Variants in ASB18 observed in about 807,000 individuals in gnomAD.
ASB18 encodes ankyrin repeat and SOCS box protein 18.
Under a neutral mutation model 33.4 loss-of-function variants are expected in ASB18, and 33 were observed. The observed-to-expected ratio is 0.99, with a 90% CI of 0.75 to 1.32. ASB18 has a LOEUF of 1.32. Among genes scored for constraint, ASB18 ranks in the 40% most tolerant of loss-of-function variants. ASB18 has a pLI of 0.00. For synonymous variants in ASB18, 295 were observed against 307.6 expected (o/e 0.96, Z 0.43); for missense variants, 694 against 655.5 (o/e 1.06, Z -0.64).
At chr2:236,236,053 GCATATGC>G (rs140699727) in intron 3 of ASB18, among the ~76,000 whole-genome samples, 6,974 of 152,180 alleles carry the variant, frequency 0.046, 293 homozygotes, top group African/African-American at 0.12. Context: ...ATGCATAAAA[GCATATGC>G]CCATTCAAAG....
At chr2:236,233,363 A>G (rs928137517) in intron 3 of ASB18, among the ~76,000 whole-genome samples, 4 of 152,104 alleles carry the variant, frequency 2.6e-5, no homozygotes, top group Non-Finnish European at 5.9e-5. Context: ...TTTCCTTAGG[A>G]TCAACAGGAA....
Position 236,250,634 on chromosome 2 carries a change from G to A in ASB18, c.206-9232C>T, listed in dbSNP as rs748133528. On this transcript the variant is annotated intron_variant, in intron 1 of 5. Transcript: ENST00000409749. The surrounding 1 kb of genome is among the most constrained non-coding windows in gnomAD (Gnocchi z 4.1). Reference sequence around the variant, plus strand: ...GATAATAACATCACTACCAACTGGTGCAGCAGCCCCAGGCCTTCCAGTGGA... The same window carrying A: ...GATAATAACATCACTACCAACTGGTACAGCAGCCCCAGGCCTTCCAGTGGA... The A allele has an allele frequency of 6.6e-6, 1 of 152,156 alleles. No homozygotes were observed. Among genetic ancestry groups the A allele is most frequent in the Non-Finnish European group, 1.5e-5 (1 of 68,032 alleles). 9.4% of individuals were successfully genotyped at this position (152,156 alleles called of 1,614,324 possible). A position where few individuals can be genotyped will look rare whatever the true frequency, so the allele number is the denominator to read the frequency against.
Position 236,257,317 on chromosome 2 carries a change from G to A in ASB18, c.205+6824C>T, listed in dbSNP as rs771350904. 7.9e-5 allele frequency among the ~76,000 whole-genome samples: 12 copies of A among 152,164 alleles called. No individual in the cohort carries two copies. The highest frequency in any genetic ancestry group is 1.0e-4 in the Non-Finnish European group (7 of 68,014). On this transcript the variant is annotated intron_variant, in intron 1 of 5. Coordinates refer to ENST00000409749, the MANE Select transcript of ASB18 (RefSeq NM_212556.4). This position sits in a 1 kb window ranked among gnomAD's most constrained non-coding sequence, Gnocchi z 5.5. ...TTAATTTCATTTTGCTTCGAGCAGG[G>A]TCTCCCTGCCCCCACGCTCTCTGGT...
rs747019676 is a variant in ASB18 at position 236,240,683 on chromosome 2, C to T, written c.328+597G>A. On this transcript the variant is annotated intron_variant, in intron 2 of 5. Transcript: ENST00000409749. ...TTTCCACTTGGGAGGTCTGCTTGTC[C>T]GCCCAGCGCACAGTGACCATGTTCA... Among the ~76,000 whole-genome samples, 34 of 152,164 alleles carry T rather than the reference C, an allele frequency of 2.2e-4. 1 individual carries two copies. Among genetic ancestry groups the T allele is most frequent in the South Asian group, 6.2e-4 (3 of 4,830 alleles).
At position 236,250,783 on chromosome 2, in the gene ASB18, A is replaced by G. The variant is rs1002648908; in HGVS notation, c.206-9381T>C. 3 of 152,248 alleles carry G rather than the reference A, an allele frequency of 2.0e-5. No homozygotes were observed. Among genetic ancestry groups the G allele is most frequent in the Admixed American group, 6.5e-5 (1 of 15,286 alleles). The allele number at this position is 152,248 out of a possible 1,614,324, so 9.4% of individuals were successfully genotyped here. The stretch of plus-strand genomic sequence containing the variant: ...TTTAAAAGTAAGAAGCTGGGCAGGT[A>G]TATAAAGTTCTGCTTTTAAGAGTTC... On this transcript the variant is annotated intron_variant, in intron 1 of 5. Transcript: ENST00000409749. The surrounding 1 kb of genome is among the most constrained non-coding windows in gnomAD (Gnocchi z 4.1).
Position 236,195,166 on chromosome 2 carries a change from A to G in ASB18, c.1216-109T>C. 2 of 1,014,722 alleles carry G rather than the reference A, an allele frequency of 2.0e-6. No homozygotes were observed. The highest frequency in any genetic ancestry group is 2.9e-6 in the Non-Finnish European group (2 of 694,312). The allele number at this position is 1,014,722 out of a possible 1,614,324, so 62.9% of individuals were successfully genotyped here. A position where few individuals can be genotyped will look rare whatever the true frequency, so the allele number is the denominator to read the frequency against. The stretch of plus-strand genomic sequence containing the variant: ...AAGCGGGCTTTTCTATGGCTAACTG[A>G]TCCCAGATAAGCGCACTGGAGGGAG... On this transcript the variant is annotated intron_variant, in intron 5 of 5. Coordinates refer to ENST00000409749, the MANE Select transcript of ASB18 (RefSeq NM_212556.4). This position sits in a 1 kb window ranked among gnomAD's most constrained non-coding sequence, Gnocchi z 5.5.
In ASB18 at chr2:236,252,578, G is replaced by T. The variant is rs760926027; in HGVS notation, c.206-11176C>A. 6.6e-6 allele frequency among the ~76,000 whole-genome samples: 1 copy of T among 152,078 alleles called. No homozygotes were observed. The highest frequency in any genetic ancestry group is 1.5e-5 in the Non-Finnish European group (1 of 68,008). The stretch of plus-strand genomic sequence containing the variant: ...TTTCTCCTCTTGATCTATTGTTGCG[G>T]GGAGCTATACCCTATGTTCTGGCCT... On this transcript the variant is annotated intron_variant, in intron 1 of 5. Transcript: ENST00000409749. This position sits in a 1 kb window ranked among gnomAD's most constrained non-coding sequence, Gnocchi z 7.9.
At position 236,196,208 on chromosome 2, in the gene ASB18, T is replaced by C. The variant is rs759038159; in HGVS notation, c.1215+64A>G. ...CCGAATATCAGTGCAAAACTCCCCA[T>C]GCAAAGAAGCAAAAACAGACAAAAG... is the stretch of plus-strand genomic sequence containing the variant. On this transcript the variant is annotated intron_variant, in intron 5 of 5. Coordinates refer to ENST00000409749, the MANE Select transcript of ASB18 (RefSeq NM_212556.4). The surrounding 1 kb of genome is among the most constrained non-coding windows in gnomAD (Gnocchi z 5.6). The C allele has an allele frequency of 2.4e-5, 21 of 864,522 alleles. No homozygotes were observed. Among genetic ancestry groups the C allele is most frequent in the Non-Finnish European group, 3.7e-5 (19 of 518,924 alleles). The allele number at this position is 864,522 out of a possible 1,614,324, so 53.6% of individuals were successfully genotyped here.
Position 236,255,483 on chromosome 2 carries a change from G to A in ASB18, c.205+8658C>T, listed in dbSNP as rs2060688049. Among the ~76,000 whole-genome samples, 1 of 152,170 alleles carries A rather than the reference G, an allele frequency of 6.6e-6. No homozygotes were observed. Among genetic ancestry groups the A allele is most frequent in the Non-Finnish European group, 1.5e-5 (1 of 68,030 alleles). ...CACAATGCGAGAACGGACTAACACA[G>A]TGGGGAGATGTATTTCTTTTTCAGG... On this transcript the variant is annotated intron_variant, in intron 1 of 5. Coordinates refer to ENST00000409749, the MANE Select transcript of ASB18 (RefSeq NM_212556.4). This position sits in a 1 kb window ranked among gnomAD's most constrained non-coding sequence, Gnocchi z 4.4.
In ASB18 at chr2:236,211,613, C is replaced by T. The variant is rs894934886; in HGVS notation, c.1101+2749G>A. 4.6e-5 allele frequency among the ~76,000 whole-genome samples: 7 copies of T among 152,244 alleles called. No homozygotes were observed. The highest frequency in any genetic ancestry group is 2.1e-4 in the South Asian group (1 of 4,832). On this transcript the variant is annotated intron_variant, in intron 4 of 5. Coordinates refer to ENST00000409749, the MANE Select transcript of ASB18 (RefSeq NM_212556.4). This position sits in a 1 kb window ranked among gnomAD's most constrained non-coding sequence, Gnocchi z 5.0. ...TCTACGCTCGGCTCGCCATGGCGCC[C>T]GTGTGGTGCCTGCCCAGCATCTTTG...
In ASB18 at chr2:236,204,154, T is replaced by A. The variant is rs7561555; in HGVS notation, c.1102-7769A>T. 6.6e-6 allele frequency among the ~76,000 whole-genome samples: 1 copy of A among 151,852 alleles called. No homozygotes were observed. The highest frequency in any genetic ancestry group is 2.4e-5 in the African/African-American group (1 of 41,296). On this transcript the variant is annotated intron_variant, in intron 4 of 5. Transcript: ENST00000409749. This position sits in a 1 kb window ranked among gnomAD's most constrained non-coding sequence, Gnocchi z 5.1. The stretch of plus-strand genomic sequence containing the variant: ...ATCTCTTTGTCAGCTGGAGTACATC[T>A]ACCTCAATGGGCCATTAGCCCCAGC...
intron 4 of ASB18, among the ~76,000 whole-genome samples, chr2:236,199,411 C>CAAA (rs368012989): frequency 8.0e-5 from 9 of 113,152 alleles, no homozygotes; most frequent in Admixed American, 2.1e-4. Context: ...GACTCTGTTT[C>CAAA]AAAAAAAAAA....
At position 236,204,447 on chromosome 2, in the gene ASB18, G is replaced by T. The variant is rs2060423252; in HGVS notation, c.1102-8062C>A. ...GATGTTCGACCATCCCTGCATTCAG[G>T]CCTGTTCCTCTTTTCCGTTTACTCT... On this transcript the variant is annotated intron_variant, in intron 4 of 5. Coordinates refer to ENST00000409749, the MANE Select transcript of ASB18 (RefSeq NM_212556.4). The surrounding 1 kb of genome is among the most constrained non-coding windows in gnomAD (Gnocchi z 5.1). Among the ~76,000 whole-genome samples, 1 of 152,098 alleles carries T rather than the reference G, an allele frequency of 6.6e-6. No individual in the cohort carries two copies.
At chr2:236,224,185 G>GTTTTTT (rs1161648778) in intron 3 of ASB18, among the ~76,000 whole-genome samples, 5 of 66,768 alleles carry the variant, frequency 7.5e-5, no homozygotes, top group African/African-American at 1.6e-4. Context: ...GTGTTGTCAG[G>GTTTTTT]TTTTTTTTTT....
In ASB18 at chr2:236,238,056, AAGGTAGGTACC is replaced by A. The variant is rs1355322768; in HGVS notation, c.329-111_329-101del. ...GGAAAGAAAGTGAAGCCGTCTCTTA[AAGGTAGGTACC>A]AGGTAGGCATGTAGGGAGAAGAGGA... On this transcript the variant is annotated intron_variant, in intron 2 of 5. Coordinates refer to ENST00000409749, the MANE Select transcript of ASB18 (RefSeq NM_212556.4). The surrounding 1 kb of genome is among the most constrained non-coding windows in gnomAD (Gnocchi z 5.2). 23 of 1,046,422 alleles carry A rather than the reference AAGGTAGGTACC, an allele frequency of 2.2e-5. No homozygotes were observed. The highest frequency in any genetic ancestry group is 3.4e-5 in the African/African-American group (2 of 58,888). The allele number at this position is 1,046,422 out of a possible 1,614,324, so 64.8% of individuals were successfully genotyped here. A position where few individuals can be genotyped will look rare whatever the true frequency, so the allele number is the denominator to read the frequency against.
At chr2:236,227,348 CTA>C (rs1381603507) in intron 3 of ASB18, among the ~76,000 whole-genome samples, 4 of 152,110 alleles carry the variant, frequency 2.6e-5, no homozygotes, top group African/African-American at 9.7e-5. Flanking sequence ...GTTTCAATTC[CTA>C]TAAAAGAAAT....
rs527851105 is a variant in ASB18 at position 236,237,096 on chromosome 2, C to G, written c.596+593G>C. 6.6e-6 allele frequency among the ~76,000 whole-genome samples: 1 copy of G among 152,020 alleles called. No individual in the cohort carries two copies. The highest frequency in any genetic ancestry group is 2.4e-5 in the African/African-American group (1 of 41,406). The stretch of plus-strand genomic sequence containing the variant: ...GCGGCCGCTGGGCCTCCCTAGAGGC[C>G]GGCACAGCTCCGCTTCCGAGCGGGC... On this transcript the variant is annotated intron_variant, in intron 3 of 5. Transcript: ENST00000409749. This position sits in a 1 kb window ranked among gnomAD's most constrained non-coding sequence, Gnocchi z 6.2.
At position 236,234,904 on chromosome 2, in the gene ASB18, T is replaced by C. The variant is rs1274977814; in HGVS notation, c.596+2785A>G. 6.6e-6 allele frequency among the ~76,000 whole-genome samples: 1 copy of C among 152,178 alleles called. No homozygotes were observed. Among genetic ancestry groups the C allele is most frequent in the African/African-American group, 2.4e-5 (1 of 41,442 alleles). ...TAGGCAGATTTTTTTTTAGATATCA[T>C]AACCCAACCTAATCCTTAAAAGAGA... On this transcript the variant is annotated intron_variant, in intron 3 of 5. Transcript: ENST00000409749. This position sits in a 1 kb window ranked among gnomAD's most constrained non-coding sequence, Gnocchi z 4.1.
Position 236,217,470 on chromosome 2 carries a change from CTTTG to C in ASB18, c.597-2608_597-2605del, listed in dbSNP as rs1171014669. Among the ~76,000 whole-genome samples the C allele has an allele frequency of 6.6e-6, 1 of 151,842 alleles. No homozygotes were observed. The highest frequency in any genetic ancestry group is 2.4e-5 in the African/African-American group (1 of 41,262). On this transcript the variant is annotated intron_variant, in intron 3 of 5. Transcript: ENST00000409749. This position sits in a 1 kb window ranked among gnomAD's most constrained non-coding sequence, Gnocchi z 5.2. ...AACTCCTTGGGTGTAGAAATGGAGG[CTTTG>C]TTTATCTCTGATTCCCAGTGCCTAT...
Sources: gnomAD v4.1 joint callset for allele counts (sites outside exome capture counted in the v4.1 genomes callset) on GRCh38, gnomAD v4.1.1 for gene constraint, Gnocchi (gnomAD v3.1) non-coding constraint, MANE v1.5 for transcripts, NCBI Gene and HGNC (gene_info 2026-07-23, HGNC 2026-07-21) for gene names.